CAMTA1: variants seen among roughly 807,000 people sequenced by gnomAD.
The protein encoded by CAMTA1 is calmodulin-binding transcription activator 1.
In CAMTA1, 27 loss-of-function variants were observed where a neutral mutation model predicts 170.9. That is an observed-to-expected ratio of 0.16 (90% confidence interval 0.12 to 0.22). The LOEUF (loss-of-function observed/expected upper bound fraction) is 0.22, where lower values mean the gene tolerates loss of function less well. CAMTA1 is among the 10% of genes least tolerant of loss of function. CAMTA1 has a pLI of 1.00. For synonymous variants in CAMTA1, 833 were observed against 891.5 expected, an observed-to-expected ratio of 0.93 and a Z score of 1.17; for missense variants, 1,619 against 2,217.2, an observed-to-expected ratio of 0.73 and a Z score of 5.42.
chr1:7,316,576 T>C (rs1166693839), intron 5 of CAMTA1, among the ~76,000 whole-genome samples: 1 of 152,252 alleles, frequency 6.6e-6, no homozygotes, highest in Admixed American at 6.5e-5. Flanking sequence ...CAGGTGGCTG[T>C]ACTATTAACA....
chr1:7,636,084 A>G (rs1427394508), intron 6 of CAMTA1, among the ~76,000 whole-genome samples: 3 of 152,144 alleles, frequency 2.0e-5, no homozygotes, highest in Non-Finnish European at 2.9e-5. Context: ...AGGGGCTGGG[A>G]CACTCTGCTA....
intron 5 of CAMTA1, among the ~76,000 whole-genome samples, chr1:7,384,270 G>A (rs1040507667): frequency 2.0e-4 from 30 of 152,324 alleles, no homozygotes; most frequent in African/African-American, 5.8e-4. Context: ...GAAAGTGGCC[G>A]CAGCTTCACG....
At chr1:7,524,811 A>C (rs2094411264) in intron 6 of CAMTA1, among the ~76,000 whole-genome samples, 1 of 152,010 alleles carries the variant, frequency 6.6e-6, no homozygotes, top group Non-Finnish European at 1.5e-5. Flanking sequence ...AGGGGTCCAC[A>C]GCCTCCCGCT....
At chr1:7,272,314 CAG>C (rs1323717117) in intron 5 of CAMTA1, among the ~76,000 whole-genome samples, 1 of 152,084 alleles carries the variant, frequency 6.6e-6, no homozygotes, top group Non-Finnish European at 1.5e-5. Flanking sequence ...GTTCAGATGG[CAG>C]TACTCCCCAA....
chr1:6,949,486 C>CCACT (rs1391362400), intron 3 of CAMTA1, among the ~76,000 whole-genome samples: 8 of 152,202 alleles, frequency 5.3e-5, no homozygotes, highest in Non-Finnish European at 1.0e-4. Flanking sequence ...ACTCCAAGAG[C>CCACT]CAATATTTTC....
intron 5 of CAMTA1, among the ~76,000 whole-genome samples, chr1:7,446,663 G>A (rs1215336021): frequency 6.6e-6 from 1 of 152,214 alleles, no homozygotes; most frequent in Non-Finnish European, 1.5e-5. Context: ...TGTGGGCGAT[G>A]AAGAAGGCTC....
At chr1:7,324,252 T>C (rs1351125870) in intron 5 of CAMTA1, among the ~76,000 whole-genome samples, 1 of 152,228 alleles carries the variant, frequency 6.6e-6, no homozygotes, top group East Asian at 1.9e-4. Context: ...TTATCTCTAG[T>C]AATGCTTTTG....
intron 3 of CAMTA1, among the ~76,000 whole-genome samples, chr1:7,049,795 C>G (rs1706017569): frequency 6.6e-6 from 1 of 152,228 alleles, no homozygotes; most frequent in African/African-American, 2.4e-5. Flanking sequence ...CTATTAAGTT[C>G]AGATGCTTTT....
chr1:7,516,166 G>T (rs1229239109), intron 6 of CAMTA1, among the ~76,000 whole-genome samples: 4 of 152,222 alleles, frequency 2.6e-5, no homozygotes, highest in Non-Finnish European at 5.9e-5. Context: ...ACACAGAGTC[G>T]TGGGCTCCAC....
At chr1:7,131,567 A>T in intron 4 of CAMTA1, among the ~76,000 whole-genome samples, 1 of 144,774 alleles carries the variant, frequency 6.9e-6, no homozygotes. Context: ...TTATTCCTGC[A>T]CTATTTGTTG....
At position 7,677,590 on chromosome 1, in the gene CAMTA1, C is replaced by T. The variant is rs565508126; in HGVS notation, c.2780-9C>T. ...ATCCCTTGACCTGGTCTTTTTCTCT[C>T]GCTTTCAGCCCATGACACTGGTCTT... is the stretch of plus-strand genomic sequence containing the variant. On this transcript the variant is annotated splice_polypyrimidine_tract_variant and intron_variant, in intron 10 of 22. Coordinates refer to ENST00000303635, the MANE Select transcript of CAMTA1 (RefSeq NM_015215.4). 33 of 1,612,104 alleles carry T rather than the reference C, an allele frequency of 2.0e-5. No individual in the cohort carries two copies. The highest frequency in any genetic ancestry group is 2.0e-4 in the East Asian group (9 of 44,838).
chr1:7,487,817 T>C (rs931934434), intron 6 of CAMTA1, among the ~76,000 whole-genome samples: 1 of 152,212 alleles, frequency 6.6e-6, no homozygotes, highest in African/African-American at 2.4e-5. Flanking sequence ...TCCTTCACCC[T>C]GATCTCCTCC....
chr1:7,031,816 T>C (rs183089230), intron 3 of CAMTA1, among the ~76,000 whole-genome samples: 209 of 152,284 alleles, frequency 1.4e-3, no homozygotes, highest in African/African-American at 4.3e-3. Context: ...GCTGGGATTA[T>C]AGGCATGAGT....
intron 7 of CAMTA1, among the ~76,000 whole-genome samples, chr1:7,649,651 G>A (rs1040197720): frequency 9.9e-5 from 15 of 152,198 alleles, no homozygotes; most frequent in Non-Finnish European, 2.1e-4. Context: ...TTATGGAGCC[G>A]ATCCGGCCCC....
chr1:7,310,661 TTC>T (rs1179414546), intron 5 of CAMTA1, among the ~76,000 whole-genome samples: 1 of 57,038 alleles, frequency 1.8e-5, no homozygotes, highest in Non-Finnish European at 3.1e-5. Context: ...CTTTCTTTCT[TTC>T]TTTCTTTCCT....
At chr1:7,675,720 T>G (rs2096112419) in intron 10 of CAMTA1, among the ~76,000 whole-genome samples, 1 of 152,152 alleles carries the variant, frequency 6.6e-6, no homozygotes, top group African/African-American at 2.4e-5. Context: ...CGGCATGGAC[T>G]ACAGCATCTG....
At position 7,566,224 on chromosome 1, in the gene CAMTA1, C is replaced by A. The variant is rs368275343; in HGVS notation, c.511-74176C>A. Among the ~76,000 whole-genome samples the A allele has an allele frequency of 9.9e-4, 150 of 152,186 alleles. 3 individuals are homozygous for A. In the South Asian group the frequency reaches 0.031, roughly 31 times the overall value. On this transcript the variant is annotated intron_variant, in intron 6 of 22. Transcript: ENST00000303635. Reference sequence around the variant, plus strand: ...CGAGCCGGGCTGGGCCCCTGGGTGACCCCCAGGCACTCACTGTCCCTCTCT... The same window carrying A: ...CGAGCCGGGCTGGGCCCCTGGGTGAACCCCAGGCACTCACTGTCCCTCTCT...
chr1:7,337,474 G>A (rs1366122745), intron 5 of CAMTA1, among the ~76,000 whole-genome samples: 1 of 150,944 alleles, frequency 6.6e-6, no homozygotes, highest in East Asian at 2.0e-4. Flanking sequence ...CCTCCGTAAT[G>A]TGCATGGTGG....
chr1:7,004,124 T>A (rs1220043657), intron 3 of CAMTA1, among the ~76,000 whole-genome samples: 1 of 152,238 alleles, frequency 6.6e-6, no homozygotes, highest in Non-Finnish European at 1.5e-5. Flanking sequence ...CACAATATTA[T>A]TTTCTAGGTG....
Sources: gnomAD v4.1 joint callset for allele counts (sites outside exome capture counted in the v4.1 genomes callset) on GRCh38, gnomAD v4.1.1 for gene constraint, MANE v1.5 for transcripts, NCBI Gene and HGNC (gene_info 2026-07-23, HGNC 2026-07-21) for gene names.